ZNF460: variants seen among roughly 807,000 people sequenced by gnomAD.
ZNF460 encodes zinc finger protein 460.
ZNF460 carries 1 observed loss-of-function variant against 8.4 expected under a neutral mutation model. That is an observed-to-expected ratio of 0.12 (90% CI 0.04 to 0.56). ZNF460 has a LOEUF of 0.56. Ranked by LOEUF, ZNF460 falls within the 20% of genes least tolerant of loss-of-function variation. The pLI, the probability that ZNF460 is intolerant of heterozygous loss-of-function variation, is 0.91. For missense variants in ZNF460, 477 were observed against 714.8 expected (o/e 0.67, Z 3.79); for synonymous variants, 262 against 259.9 (o/e 1.01, Z -0.08).
chr19:57,284,502 T>C (rs1229164766), intron 1 of ZNF460, 49 bp from the exon 2 acceptor site: 5 of 1,596,026 alleles, frequency 3.1e-6, no homozygotes, highest in Non-Finnish European at 2.6e-6. Context: ...GTTCTAATCC[T>C]ATTCCACAGT....
chr19:57,280,641 A>G lies in ZNF460; in HGVS notation c.-166A>G. 1.0e-6 allele frequency: 1 copy of G among 976,306 alleles called. No homozygotes were observed. Among genetic ancestry groups the G allele is most frequent in the Admixed American group, 2.7e-5 (1 of 37,526 alleles). The allele number at this position is 976,306 out of a possible 1,614,324, so 60.5% of individuals were successfully genotyped here. ...GTCCCACCGGCGCCCGCCGAGGCCTAGGCCTCCGCAGCCGCCCTCCGTCTC... is the reference window on the plus strand; with the variant it reads ...GTCCCACCGGCGCCCGCCGAGGCCTGGGCCTCCGCAGCCGCCCTCCGTCTC... On this transcript the variant is annotated 5_prime_UTR_variant, in exon 1 of 3. Coordinates refer to ENST00000360338, the MANE Select transcript of ZNF460 (RefSeq NM_006635.4).
Position 57,291,529 on chromosome 19 carries a change from C to A in ZNF460, c.988C>A (p.His330Asn). The change falls in exon 3 of 3, where the codon CAT becomes AAT. Residue 330 changes from histidine to asparagine, a missense_variant. His to Asn is a moderately conservative substitution (Grantham distance 68). Around this residue, in one of 5 missense-constraint regions of ZNF460, gnomAD observed 193 missense variants for 391.7 expected, o/e 0.49. Coordinates refer to ENST00000360338, the MANE Select transcript of ZNF460 (RefSeq NM_006635.4). This position sits in a 1 kb window ranked among gnomAD's most constrained non-coding sequence, Gnocchi z 8.4. The stretch of plus-strand genomic sequence containing the variant: ...AGCCCTCATTCAACACTTCATTATC[C>A]ATACTGGGGAGAGGCCCTTTAAGTG... ...STALIQHFII[H>N]TGERPFKCLE... is the part of the protein sequence containing the mutation. 6.2e-7 allele frequency: 1 copy of A among 1,614,020 alleles called. No individual in the cohort carries two copies. Among genetic ancestry groups the A allele is most frequent in the Non-Finnish European group, 8.5e-7 (1 of 1,179,956 alleles).
chr19:57,291,922 A>T lies in ZNF460; in HGVS notation c.1381A>T (p.Thr461Ser). 6.2e-7 allele frequency: 1 copy of T among 1,613,924 alleles called. No homozygotes were observed. The highest frequency in any genetic ancestry group is 8.5e-7 in the Non-Finnish European group (1 of 1,179,968). ...IQCGKAFCRT[T>S]NLIRHFSIHT... ...ATGTGGGAAAGCCTTTTGTCGGACC[A>T]CAAACCTGATTCGACACTTTAGCAT... The change falls in exon 3 of 3, where the codon ACA becomes TCA. Residue 461 changes from threonine to serine, a missense_variant. Physicochemically the swap from Thr to Ser is moderately conservative, Grantham distance 58 (BLOSUM62 1). Coordinates refer to ENST00000360338, the MANE Select transcript of ZNF460 (RefSeq NM_006635.4). The surrounding 1 kb of genome is among the most constrained non-coding windows in gnomAD (Gnocchi z 8.4).
chr19:57,287,338 T>G (rs1363992934), intron 2 of ZNF460, among the ~76,000 whole-genome samples: 1 of 152,268 alleles, frequency 6.6e-6, no homozygotes, highest in Admixed American at 6.5e-5. Context: ...TTTCAGGTTT[T>G]GGATATGTTG....
At position 57,292,720 on chromosome 19, in the gene ZNF460, G is replaced by A. The variant is rs2087927816; in HGVS notation, c.*490G>A. 1 of 160,150 alleles carries A rather than the reference G, an allele frequency of 6.2e-6. No homozygotes were observed. Among genetic ancestry groups the A allele is most frequent in the African/African-American group, 2.4e-5 (1 of 41,458 alleles). 9.9% of individuals were successfully genotyped at this position (160,150 alleles called of 1,614,324 possible). The stretch of plus-strand genomic sequence containing the variant: ...AGAGGGAAATGTTTCAGAAACAAAA[G>A]GGCCTCATCCCCTTTATTTTCCCTG... On this transcript the variant is annotated 3_prime_UTR_variant, in exon 3 of 3. Coordinates refer to ENST00000360338, the MANE Select transcript of ZNF460 (RefSeq NM_006635.4).
At position 57,291,051 on chromosome 19, in the gene ZNF460, C is replaced by G. The variant is rs2087914030; in HGVS notation, c.510C>G (p.Ser170=). The G allele has an allele frequency of 6.2e-7, 1 of 1,614,196 alleles. No homozygotes were observed. The change falls in exon 3 of 3, where the codon TCC becomes TCG. Residue 170 remains serine (S), a synonymous_variant. Coordinates refer to ENST00000360338, the MANE Select transcript of ZNF460 (RefSeq NM_006635.4). This position sits in a 1 kb window ranked among gnomAD's most constrained non-coding sequence, Gnocchi z 8.4. ...TDSLIHEGEN[S]YKFEEMFNEN... The stretch of plus-strand genomic sequence containing the variant: ...CCTTGATTCATGAAGGGGAAAATTC[C>G]TATAAATTCGAGGAAATGTTTAATG...
chr19:57,288,927 T>G (rs2087897255), intron 2 of ZNF460, among the ~76,000 whole-genome samples: 1 of 151,290 alleles, frequency 6.6e-6, no homozygotes, highest in African/African-American at 2.4e-5. Context: ...TGGATCTGGC[T>G]ATGTTGCCCA....
rs747029930 is a variant in ZNF460, at chr19:57,291,060, C to G, written c.519C>G (p.Phe173Leu). 6.2e-7 allele frequency: 1 copy of G among 1,614,038 alleles called. No homozygotes were observed. Among genetic ancestry groups the G allele is most frequent in the East Asian group, 2.2e-5 (1 of 44,900 alleles). Residue 173 changes from phenylalanine (F) to leucine (L), a missense_variant, in exon 3 of 3, where the codon TTC becomes TTG. Physicochemically the swap from Phe to Leu is conservative, Grantham distance 22 (BLOSUM62 0). Coordinates refer to ENST00000360338, the MANE Select transcript of ZNF460 (RefSeq NM_006635.4). This position sits in a 1 kb window ranked among gnomAD's most constrained non-coding sequence, Gnocchi z 8.4. ...ATGAAGGGGAAAATTCCTATAAATT[C>G]GAGGAAATGTTTAATGAGAATTGCT... ...LIHEGENSYKFEEMFNENCFL... is the reference protein window; with the variant it reads ...LIHEGENSYKLEEMFNENCFL...
Sources: allele counts gnomAD v4.1 joint callset (sites outside exome capture counted in the v4.1 genomes callset), GRCh38; gene constraint gnomAD v4.1.1; regional missense constraint gnomAD v4.1.1; non-coding constraint Gnocchi (gnomAD v3.1); transcripts MANE v1.5; gene names NCBI Gene and HGNC (gene_info 2026-07-23, HGNC 2026-07-21).